Variants in GALNTL5 observed in about 807,000 individuals in gnomAD.
GALNTL5 encodes the protein polypeptide N-acetylgalactosaminyltransferase like 5.
Under a neutral mutation model 51.0 loss-of-function variants are expected in GALNTL5, and 44 were observed. The observed-to-expected ratio is 0.86, with a 90% CI of 0.68 to 1.11. The LOEUF (loss-of-function observed/expected upper bound fraction) is 1.11, where lower values mean the gene tolerates loss of function less well. Ranked by LOEUF, GALNTL5 falls within the 50% of genes least tolerant of loss-of-function variation. The pLI, the probability that GALNTL5 is intolerant of heterozygous loss-of-function variation, is 0.00. For missense variants in GALNTL5, 528 were observed against 531.8 expected (o/e 0.99, Z 0.07); for synonymous variants, 192 against 182.8 (o/e 1.05, Z -0.41).
Position 151,980,737 on chromosome 7 carries a change from A to ATTTTTTTTTTTTTTTTTTTTT in GALNTL5, c.369-2243_369-2223dup, listed in dbSNP as rs61288964. ...CCGTGTGATTGCAGTGCTAACAATG[A>ATTTTTTTTTTTTTTTTTTTTT]TTTTTTTTTTTTTTTTTTTTTTTTT... is the stretch of plus-strand genomic sequence containing the variant. On this transcript the variant is annotated intron_variant, in intron 3 of 8. Coordinates refer to ENST00000392800, the MANE Select transcript of GALNTL5 (RefSeq NM_145292.4). 2.0e-5 allele frequency among the ~76,000 whole-genome samples: 2 copies of ATTTTTTTTTTTTTTTTTTTTT among 98,966 alleles called. 1 individual carries two copies. The highest frequency in any genetic ancestry group is 9.5e-5 in the African/African-American group (2 of 21,144). The allele number at this position is 98,966 out of a possible 152,430, so 64.9% of individuals were successfully genotyped here.
intron 5 of GALNTL5, among the ~76,000 whole-genome samples, chr7:152,000,747 G>T (rs193037959): frequency 2.0e-5 from 3 of 151,978 alleles, no homozygotes; most frequent in Non-Finnish European, 4.4e-5. Context: ...AATCTCTTGC[G>T]CATTTTAAAT....
At chr7:151,992,506 C>G (rs1391287976) in intron 5 of GALNTL5, among the ~76,000 whole-genome samples, 1 of 152,148 alleles carries the variant, frequency 6.6e-6, no homozygotes, top group African/African-American at 2.4e-5. Flanking sequence ...GCTGCAGCGG[C>G]GTCACCCTCG....
At chr7:152,017,952 C>G (rs2081840580) in intron 8 of GALNTL5, among the ~76,000 whole-genome samples, 6 of 152,024 alleles carry the variant, frequency 3.9e-5, no homozygotes. Context: ...TTCAGTGATT[C>G]TCCTGCCTCA....
chr7:151,992,017 TG>T (rs1199874556), intron 5 of GALNTL5, among the ~76,000 whole-genome samples: 1 of 152,244 alleles, frequency 6.6e-6, no homozygotes, highest in Non-Finnish European at 1.5e-5. Context: ...ATTTTTTGGT[TG>T]TTGTTTTAAA....
intron 7 of GALNTL5, among the ~76,000 whole-genome samples, chr7:152,009,997 C>T (rs944020784): frequency 6.6e-6 from 1 of 152,200 alleles, no homozygotes; most frequent in South Asian, 2.1e-4. Flanking sequence ...GTATGCTGAG[C>T]ATTGAGAAGA....
intron 2 of GALNTL5, among the ~76,000 whole-genome samples, chr7:151,969,956 GC>G (rs745874187): frequency 6.8e-6 from 1 of 146,664 alleles, no homozygotes; most frequent in Non-Finnish European, 1.5e-5. Flanking sequence ...ACAGGCACCA[GC>G]CGCCACGCCT....
chr7:151,980,773 T>G (rs1472214059), intron 3 of GALNTL5, among the ~76,000 whole-genome samples: 2 of 108,352 alleles, frequency 1.8e-5, no homozygotes, highest in African/African-American at 8.0e-5. Context: ...TGAGATGGAG[T>G]CTCGCTCTGT....
chr7:152,009,432 G>A (rs1389014194), intron 7 of GALNTL5, among the ~76,000 whole-genome samples: 1 of 152,150 alleles, frequency 6.6e-6, no homozygotes, highest in African/African-American at 2.4e-5. Flanking sequence ...TTGGACGTTA[G>A]GACAATATTC....
At chr7:151,997,025 C>T (rs60380629) in intron 5 of GALNTL5, among the ~76,000 whole-genome samples, 10,038 of 152,132 alleles carry the variant, frequency 0.066, 675 homozygotes, top group East Asian at 0.3. Flanking sequence ...AGTTAACAAA[C>T]GTTGCAATCC....
At position 151,992,078 on chromosome 7, in the gene GALNTL5, A is replaced by G. The variant is rs1316293452; in HGVS notation, c.658+4797A>G. ...TATATTTTTAAATTATTACTGGTAC[A>G]TAGGAATGAGATCTTTTGGTATATT... On this transcript the variant is annotated intron_variant, in intron 5 of 8. Transcript: ENST00000392800. Among the ~76,000 whole-genome samples the G allele has an allele frequency of 1.3e-5, 2 of 152,320 alleles. 1 individual carries two copies.
intron 5 of GALNTL5, among the ~76,000 whole-genome samples, chr7:151,997,759 G>A (rs144809002): frequency 1.3e-5 from 2 of 152,198 alleles, no homozygotes; most frequent in African/African-American, 4.8e-5. Flanking sequence ...CCACAAATCT[G>A]TATGGGAAAA....
At chr7:151,997,490 T>G (rs535693556) in intron 5 of GALNTL5, among the ~76,000 whole-genome samples, 1 of 152,366 alleles carries the variant, frequency 6.6e-6, no homozygotes, top group South Asian at 2.1e-4. Context: ...AAATTTCCCC[T>G]GTTAAATATT....
chr7:151,979,759 G>A (rs1382650634), intron 3 of GALNTL5, among the ~76,000 whole-genome samples: 1 of 151,888 alleles, frequency 6.6e-6, no homozygotes, highest in Admixed American at 6.6e-5. Flanking sequence ...ACCTGGCCAG[G>A]AAAGTTTTTA....
Position 152,014,721 on chromosome 7 carries a change from A to G in GALNTL5, c.1104A>G (p.Lys368=). 1 of 1,613,934 alleles carries G rather than the reference A, an allele frequency of 6.2e-7. No homozygotes were observed. Among genetic ancestry groups the G allele is most frequent in the Non-Finnish European group, 8.5e-7 (1 of 1,179,928 alleles). ...ATATCAGTAAGAAACAAACTGGAAA[A>G]CCTTCTACAATCATCAGTGCTATGA... The part of the protein sequence containing the change: ...VGHISKKQTG[K]PSTIISAMTH... The change falls in exon 8 of 9, where the codon AAA becomes AAG. Residue 368 remains lysine (K), a synonymous_variant. Transcript: ENST00000392800.
chr7:152,002,115 A>G lies in GALNTL5; in HGVS notation c.659-599A>G, dbSNP rs191194669. Among the ~76,000 whole-genome samples the G allele has an allele frequency of 3.9e-4, 60 of 152,192 alleles. No individual in the cohort carries two copies. In the East Asian group the frequency reaches 0.011, roughly 27 times the overall value. Reference sequence around the variant, plus strand: ...GCCAACACGGTGAAACCCCGTCTCTACTAAAAATACAAAAATTAGCCTGGC... The same window carrying G: ...GCCAACACGGTGAAACCCCGTCTCTGCTAAAAATACAAAAATTAGCCTGGC... On this transcript the variant is annotated intron_variant, in intron 5 of 8. Coordinates refer to ENST00000392800, the MANE Select transcript of GALNTL5 (RefSeq NM_145292.4).
chr7:152,001,212 AT>A (rs34824216), intron 5 of GALNTL5, among the ~76,000 whole-genome samples: 69,540 of 145,932 alleles, frequency 0.48, 16,900 homozygotes, highest in African/African-American at 0.59. Flanking sequence ...CGCACCAGCC[AT>A]TTTTTTTTTT....
chr7:151,962,436 CT>C (rs61210832), intron 1 of GALNTL5, among the ~76,000 whole-genome samples: 33 of 116,232 alleles, frequency 2.8e-4, no homozygotes, highest in East Asian at 7.3e-4. Flanking sequence ...ATTTTTTTTT[CT>C]TTTTTTTTTT....
Position 152,002,889 on chromosome 7 carries a change from G to T in GALNTL5, c.834G>T (p.Trp278Cys). The change falls in exon 6 of 9, where the codon TGG becomes TGT. Residue 278 changes from tryptophan (W) to cysteine (C), a missense_variant. Coordinates refer to ENST00000392800, the MANE Select transcript of GALNTL5 (RefSeq NM_145292.4). ...CTCTTGTAAGGGGAACTTTTGATTG[G>T]AACCTACAATTTAAATGGGATAATG... ...PSPLVRGTFD[W>C]NLQFKWDNVF... 1 of 1,613,908 alleles carries T rather than the reference G, an allele frequency of 6.2e-7. No homozygotes were observed. Among genetic ancestry groups the T allele is most frequent in the Non-Finnish European group, 8.5e-7 (1 of 1,179,810 alleles).
At chr7:151,964,786 C>G (rs1442505400) in intron 1 of GALNTL5, among the ~76,000 whole-genome samples, 1 of 152,154 alleles carries the variant, frequency 6.6e-6, no homozygotes, top group African/African-American at 2.4e-5. Context: ...GGGGACGACC[C>G]AGGGAGCCGC....
Sources: gnomAD v4.1 joint callset for allele counts (sites outside exome capture counted in the v4.1 genomes callset) on GRCh38, gnomAD v4.1.1 for gene constraint, MANE v1.5 for transcripts, NCBI Gene and HGNC (gene_info 2026-07-23, HGNC 2026-07-21) for gene names.